Variants in NSD2 observed in about 807,000 individuals in gnomAD.
NSD2 encodes histone-lysine N-methyltransferase NSD2.
In NSD2, 12 loss-of-function variants were observed where a neutral mutation model predicts 139.0. The observed-to-expected ratio is 0.09, with a 90% CI of 0.06 to 0.14. NSD2 has a LOEUF of 0.14. Among genes scored for constraint, NSD2 ranks in the 10% least tolerant of loss-of-function variants. The probability of loss-of-function intolerance (pLI) is 1.00; values close to 1 mark genes in which losing one functional copy is unlikely to be tolerated. For synonymous variants in NSD2, 669 were observed against 648.7 expected (o/e 1.03, Z -0.48); for missense variants, 1,155 against 1,745.0 (o/e 0.66, Z 6.02).
chr4:1,923,316 C>CAA (rs34772768), intron 5 of NSD2, among the ~76,000 whole-genome samples: 209 of 62,150 alleles, frequency 3.4e-3, no homozygotes, highest in African/African-American at 8.9e-3. Context: ...GACCCTGGCT[C>CAA]AAAAAAAAAA....
In NSD2 at chr4:1,973,322, G is replaced by T. The variant is rs1192952938; in HGVS notation, c.3373-1541G>T. Among the ~76,000 whole-genome samples, 1 of 152,226 alleles carries T rather than the reference G, an allele frequency of 6.6e-6. No individual in the cohort carries two copies. The highest frequency in any genetic ancestry group is 1.5e-5 in the Non-Finnish European group (1 of 68,050). ...ATGGTAGGAATGTAGGTTAGACACGGTGCTGCCAGGCGTCAGAGGCTGGGT... is the reference window on the plus strand; with the variant it reads ...ATGGTAGGAATGTAGGTTAGACACGTTGCTGCCAGGCGTCAGAGGCTGGGT... On this transcript the variant is annotated intron_variant, in intron 18 of 21. Coordinates refer to ENST00000508803, the MANE Select transcript of NSD2 (RefSeq NM_001042424.3). This position sits in a 1 kb window ranked among gnomAD's most constrained non-coding sequence, Gnocchi z 5.5.
chr4:1,968,533 C>A (rs1054206342), intron 18 of NSD2, among the ~76,000 whole-genome samples: 2 of 151,746 alleles, frequency 1.3e-5, no homozygotes, highest in South Asian at 2.1e-4. Context: ...AACTTCCACA[C>A]CATTAAAGGG....
At chr4:1,906,224 A>G (rs180859260) in intron 3 of NSD2, among the ~76,000 whole-genome samples, 4 of 152,092 alleles carry the variant, frequency 2.6e-5, no homozygotes, top group South Asian at 2.1e-4. Flanking sequence ...TGTTCTTCCT[A>G]TTAGGGCTTA....
In NSD2 at chr4:1,974,809, A is replaced by G. The variant is rs1470213759; in HGVS notation, c.3373-54A>G. 1.9e-6 allele frequency: 3 copies of G among 1,608,776 alleles called. No homozygotes were observed. The highest frequency in any genetic ancestry group is 2.6e-6 in the Non-Finnish European group (3 of 1,175,658). On this transcript the variant is annotated intron_variant, in intron 18 of 21. Coordinates refer to ENST00000508803, the MANE Select transcript of NSD2 (RefSeq NM_001042424.3). This position sits in a 1 kb window ranked among gnomAD's most constrained non-coding sequence, Gnocchi z 4.0. The stretch of plus-strand genomic sequence containing the variant: ...CTTTATGATGGTGAAAATTCCCTTT[A>G]AAAATAACATGCGATTGCTAACACT...
At chr4:1,903,892 G>C (rs907134927) in intron 2 of NSD2, among the ~76,000 whole-genome samples, 1 of 151,972 alleles carries the variant, frequency 6.6e-6, no homozygotes, top group African/African-American at 2.4e-5. Context: ...CTGCCACCAC[G>C]CCCGGCTAAT....
chr4:1,905,294 T>C (rs1397656378), intron 3 of NSD2, among the ~76,000 whole-genome samples: 34 of 152,268 alleles, frequency 2.2e-4, no homozygotes, highest in Admixed American at 2.1e-3. Flanking sequence ...AGTTGCGATG[T>C]GGCGAGTGCG....
At chr4:1,977,136 G>T (rs1391307149) in intron 21 of NSD2, among the ~76,000 whole-genome samples, 1 of 152,266 alleles carries the variant, frequency 6.6e-6, no homozygotes, top group Non-Finnish European at 1.5e-5. Flanking sequence ...TGGATGTGCA[G>T]GGCAGGCTGT....
chr4:1,925,787 T>TTTGA (rs1720832788), intron 5 of NSD2, among the ~76,000 whole-genome samples: 1 of 151,476 alleles, frequency 6.6e-6, no homozygotes, highest in African/African-American at 2.4e-5. Flanking sequence ...TTTTTGTTTG[T>TTTGA]TTGTTTGTTT....
chr4:1,918,695 C>G (rs1422382136), intron 5 of NSD2, 72 bp downstream of exon 5: 2 of 1,563,712 alleles, frequency 1.3e-6, no homozygotes, highest in Non-Finnish European at 1.7e-6. Context: ...GCAGAATCAT[C>G]TGTTTCTCAG....
In NSD2 at chr4:1,972,078, C is replaced by T. The variant is rs1726544849; in HGVS notation, c.3373-2785C>T. Among the ~76,000 whole-genome samples, 1 of 152,222 alleles carries T rather than the reference C, an allele frequency of 6.6e-6. No homozygotes were observed. The highest frequency in any genetic ancestry group is 6.5e-5 in the Admixed American group (1 of 15,280). ...CAGAGCAGCAAGAGGCAAACAGTGT[C>T]TCTCGGAGAATGTGACGGCTGTGTT... On this transcript the variant is annotated intron_variant, in intron 18 of 21. Coordinates refer to ENST00000508803, the MANE Select transcript of NSD2 (RefSeq NM_001042424.3). The surrounding 1 kb of genome is among the most constrained non-coding windows in gnomAD (Gnocchi z 4.0).
Position 1,901,135 on chromosome 4 carries a change from C to A in NSD2, c.481C>A (p.Pro161Thr), listed in dbSNP as rs568583435. The A allele has an allele frequency of 1.5e-5, 25 of 1,614,148 alleles. No homozygotes were observed. The South Asian group carries it at 2.4e-4, about 16-fold the overall frequency. ...TCAGTCAGAAGAAAATGGACAAAAA[C>A]CAGAAAACAAGGCGAGAAGGAACAG... ...VSQSEENGQK[P>T]ENKARRNRKR... The change falls in exon 2 of 22, where the codon CCA (proline) becomes ACA (threonine). Residue 161 changes from proline to threonine, a missense_variant. Around this residue, in one of 8 missense-constraint regions of NSD2, gnomAD observed 246 missense variants for 262.8 expected, o/e 0.94. Coordinates refer to ENST00000508803, the MANE Select transcript of NSD2 (RefSeq NM_001042424.3).
rs1331153254 is a variant in NSD2 at position 1,979,909 on chromosome 4, G to A, written c.*1000G>A. 1 of 232,688 alleles carries A rather than the reference G, an allele frequency of 4.3e-6. No homozygotes were observed. Among genetic ancestry groups the A allele is most frequent in the Non-Finnish European group, 8.5e-6 (1 of 117,708 alleles). The allele number at this position is 232,688 out of a possible 1,614,324, so 14.4% of individuals were successfully genotyped here. A position where few individuals can be genotyped will look rare whatever the true frequency, so the allele number is the denominator to read the frequency against. On this transcript the variant is annotated 3_prime_UTR_variant, in exon 22 of 22. Coordinates refer to ENST00000508803, the MANE Select transcript of NSD2 (RefSeq NM_001042424.3). Reference sequence around the variant, plus strand: ...TTAGAGCACAGGAAGTGACAACTTAGGGAGCCCCGTAGGGCGCTGCAGGCC... The same window carrying A: ...TTAGAGCACAGGAAGTGACAACTTAAGGAGCCCCGTAGGGCGCTGCAGGCC...
At chr4:1,969,491 G>A (rs1036843440) in intron 18 of NSD2, among the ~76,000 whole-genome samples, 1 of 151,874 alleles carries the variant, frequency 6.6e-6, no homozygotes, top group African/African-American at 2.4e-5. Context: ...CTTGAGCCCA[G>A]CCTGGAGTTT....
chr4:1,937,454 T>G (rs1009648010), intron 7 of NSD2, among the ~76,000 whole-genome samples: 3 of 152,220 alleles, frequency 2.0e-5, no homozygotes, highest in African/African-American at 7.2e-5. Flanking sequence ...TACATGACCC[T>G]AGACACTCAG....
Position 1,978,835 on chromosome 4 carries a change from C to CT in NSD2, c.4024_4025insT (p.Pro1342LeufsTer93). 1 of 1,603,600 alleles carries CT rather than the reference C, an allele frequency of 6.2e-7. No individual in the cohort carries two copies. The highest frequency in any genetic ancestry group is 8.5e-7 in the Non-Finnish European group (1 of 1,172,408). On this transcript the variant is annotated frameshift_variant, in exon 22 of 22. Coordinates refer to ENST00000508803, the MANE Select transcript of NSD2 (RefSeq NM_001042424.3). LOFTEE classifies it high-confidence loss of function. ...CAGAAGCACCAAGACTGAGAAGCCC[C>CT]CCCCAGAGCCAGGGAAGCCGAAGGG...
intron 18 of NSD2, among the ~76,000 whole-genome samples, chr4:1,966,375 G>A (rs1357729737): frequency 1.4e-5 from 1 of 70,234 alleles, no homozygotes. Context: ...GAAGAGATAG[G>A]GCTGGGCATG....
At chr4:1,920,522 G>A (rs1414760891) in intron 5 of NSD2, among the ~76,000 whole-genome samples, 1 of 152,190 alleles carries the variant, frequency 6.6e-6, no homozygotes, top group East Asian at 1.9e-4. Flanking sequence ...GGGAGAAAAG[G>A]CATTTGATAA....
At chr4:1,878,633 A>G (rs1714479820) in intron 1 of NSD2, among the ~76,000 whole-genome samples, 1 of 152,046 alleles carries the variant, frequency 6.6e-6, no homozygotes, top group Non-Finnish European at 1.5e-5. Context: ...GAATACATAC[A>G]CAGCCCTCAG....
chr4:1,934,908 T>TATATATATAA (rs1223710483), intron 6 of NSD2, among the ~76,000 whole-genome samples: 4 of 79,076 alleles, frequency 5.1e-5, no homozygotes, highest in South Asian at 8.5e-4. Context: ...TATATATATA[T>TATATATATAA]AAAAAACAGA....
Sources: allele counts gnomAD v4.1 joint callset (sites outside exome capture counted in the v4.1 genomes callset), GRCh38; gene constraint gnomAD v4.1.1; regional missense constraint gnomAD v4.1.1; non-coding constraint Gnocchi (gnomAD v3.1); transcripts MANE v1.5; gene names NCBI Gene and HGNC (gene_info 2026-07-23, HGNC 2026-07-21).